Variants in REPS2 observed in about 807,000 individuals in gnomAD.
REPS2 encodes ralBP1-associated Eps domain-containing protein 2.
In REPS2, 23 loss-of-function variants were observed where a neutral mutation model predicts 53.6. The ratio of observed to expected loss-of-function variants is 0.43; its 90% CI spans 0.31 to 0.61. The LOEUF (loss-of-function observed/expected upper bound fraction) is 0.61, where lower values mean the gene tolerates loss of function less well. Ranked by LOEUF, REPS2 falls within the 20% of genes least tolerant of loss-of-function variation. The pLI is 0.11. For missense variants in REPS2, 446 were observed against 534.9 expected, an observed-to-expected ratio of 0.83 and a Z score of 1.64; for synonymous variants, 238 against 218.6, an observed-to-expected ratio of 1.09 and a Z score of -0.78.
intron 17 of REPS2, among the ~76,000 whole-genome samples, chrX:17,144,378 A>G (rs978200177): frequency 8.9e-5 from 10 of 112,911 alleles, no homozygotes; most frequent in African/African-American, 3.2e-4. Context: ...TTTTCAGCCA[A>G]CACTTATTTT....
At chrX:17,030,428 A>G (rs2061694820) in intron 5 of REPS2, among the ~76,000 whole-genome samples, 1 of 110,961 alleles carries the variant, frequency 9.0e-6, no homozygotes, top group African/African-American at 3.3e-5. Context: ...TAACTCGGGA[A>G]TAAGGAACAT....
downstream of REPS2, among the ~76,000 whole-genome samples, chrX:17,155,133 G>A (rs1201453331): frequency 1.8e-5 from 2 of 111,745 alleles, no homozygotes; most frequent in East Asian, 2.8e-4. Context: ...ATAAAGAAAC[G>A]AAATTTGTTT....
chrX:17,124,812 G>C (rs2063186147), intron 14 of REPS2, among the ~76,000 whole-genome samples: 1 of 106,158 alleles, frequency 9.4e-6, no homozygotes, highest in South Asian at 4.1e-4. Flanking sequence ...AAAAAAAAAA[G>C]TTACCTATTA....
At chrX:17,081,857 G>A (rs1307463065) in intron 13 of REPS2, among the ~76,000 whole-genome samples, 1 of 112,023 alleles carries the variant, frequency 8.9e-6, no homozygotes, top group Non-Finnish European at 1.9e-5. Context: ...ATGCAAGTAT[G>A]CAAAACCTAG....
chrX:17,100,814 C>T (rs1427337589), intron 13 of REPS2, among the ~76,000 whole-genome samples: 2 of 111,538 alleles, frequency 1.8e-5, no homozygotes, highest in Non-Finnish European at 3.8e-5. Context: ...CACAGTGGCT[C>T]ATACCTGTAA....
chrX:16,982,755 C>G (rs891321554), intron 1 of REPS2, among the ~76,000 whole-genome samples: 1 of 112,142 alleles, frequency 8.9e-6, no homozygotes, highest in African/African-American at 3.2e-5. Context: ...TGCCTCATCT[C>G]TTTTCCTTTC....
At chrX:17,013,915 C>T (rs778414830) in intron 2 of REPS2, among the ~76,000 whole-genome samples, 7 of 111,068 alleles carry the variant, frequency 6.3e-5, no homozygotes, top group Non-Finnish European at 1.3e-4. Context: ...TTCTAGGGGT[C>T]TGTCCCTCTA....
chrX:17,028,069 C>T (rs1280623059), intron 4 of REPS2, among the ~76,000 whole-genome samples: 1 of 111,426 alleles, frequency 9.0e-6, no homozygotes, highest in Non-Finnish European at 1.9e-5. Flanking sequence ...AGTCTTCATC[C>T]AAGCCCTACT....
At chrX:17,139,025 T>TA (rs2063410044) in intron 17 of REPS2, 64 bp downstream of exon 17, 5 of 742,061 alleles carry the variant, frequency 6.7e-6, no homozygotes, top group East Asian at 3.5e-5. Context: ...AGCTTTTTTT[T>TA]AATTTAATAG....
chrX:17,070,303 A>G (rs1299944357), intron 11 of REPS2, among the ~76,000 whole-genome samples: 2 of 112,352 alleles, frequency 1.8e-5, no homozygotes, highest in Admixed American at 1.9e-4. Context: ...GATGATTTCA[A>G]CAAGCCATTT....
chrX:16,973,533 C>T (rs1026954658), intron 1 of REPS2, among the ~76,000 whole-genome samples: 1 of 111,832 alleles, frequency 8.9e-6, no homozygotes, highest in Admixed American at 9.5e-5. Flanking sequence ...AGCTGTGTTC[C>T]TCAACTTTCA....
Position 17,148,856 on chromosome X carries a change from A to G in REPS2, c.*1375A>G, listed in dbSNP as rs895700477. ...CTAATTTCCCCATTCTTAGGGTAGC[A>G]GGGTGGGGGTGTATAGGGTCTTTTT... On this transcript the variant is annotated 3_prime_UTR_variant, in exon 18 of 18. Coordinates refer to ENST00000357277, the MANE Select transcript of REPS2 (RefSeq NM_004726.3). 2.0e-5 allele frequency: 7 copies of G among 349,893 alleles called. No homozygotes were observed. Among genetic ancestry groups the G allele is most frequent in the Non-Finnish European group, 3.8e-5 (7 of 181,852 alleles). 28.8% of individuals were successfully genotyped at this position (349,893 alleles called of 1,213,427 possible).
intron 14 of REPS2, among the ~76,000 whole-genome samples, chrX:17,132,530 A>G (rs1053499273): frequency 3.6e-5 from 4 of 112,597 alleles, no homozygotes; most frequent in Non-Finnish European, 7.5e-5. Flanking sequence ...CTTCATAGAC[A>G]TTCTTTTTCT....
At chrX:16,954,306 T>C (rs753242298) in intron 1 of REPS2, among the ~76,000 whole-genome samples, 7 of 111,813 alleles carry the variant, frequency 6.3e-5, no homozygotes, top group Non-Finnish European at 9.4e-5. Flanking sequence ...AGCAAGTAGA[T>C]AGAATAATGC....
At chrX:17,098,610 TTGTGTG>T (rs369203546) in intron 13 of REPS2, among the ~76,000 whole-genome samples, 1 of 103,228 alleles carries the variant, frequency 9.7e-6, no homozygotes. Flanking sequence ...AAAAATGGTT[TTGTGTG>T]TGTGTGTGTG....
At chrX:17,125,513 GA>G (rs1443941414) in intron 14 of REPS2, among the ~76,000 whole-genome samples, 2 of 112,318 alleles carry the variant, frequency 1.8e-5, no homozygotes, top group Non-Finnish European at 3.8e-5. Context: ...GGATTCTGAT[GA>G]GGGAAGTCTG....
chrX:17,079,109 A>G lies in REPS2; in HGVS notation c.1516+1702A>G, dbSNP rs774020906. 1.2e-4 allele frequency among the ~76,000 whole-genome samples: 13 copies of G among 112,488 alleles called. 1 individual carries two copies. The highest frequency in any genetic ancestry group is 8.3e-4 in the East Asian group (3 of 3,604). The stretch of plus-strand genomic sequence containing the variant: ...TAATAAAAAAATCTGAAATGCTTCA[A>G]TGACCATTTCCTTTGAGTGTCATGT... On this transcript the variant is annotated intron_variant, in intron 13 of 17. Coordinates refer to ENST00000357277, the MANE Select transcript of REPS2 (RefSeq NM_004726.3).
At chrX:17,078,460 T>G (rs896794009) in intron 13 of REPS2, among the ~76,000 whole-genome samples, 11 of 111,992 alleles carry the variant, frequency 9.8e-5, no homozygotes, top group Admixed American at 3.8e-4. Context: ...TCTATCAAAT[T>G]TAATTCTGTG....
chrX:17,056,618 C>A (rs1250246075), intron 8 of REPS2, among the ~76,000 whole-genome samples: 1 of 110,162 alleles, frequency 9.1e-6, no homozygotes, highest in Non-Finnish European at 1.9e-5. Context: ...TGGCATGAAC[C>A]CGGGAGGCGG....
Sources: gnomAD v4.1 joint callset for allele counts (sites outside exome capture counted in the v4.1 genomes callset) on GRCh38, gnomAD v4.1.1 for gene constraint, MANE v1.5 for transcripts, NCBI Gene and HGNC (gene_info 2026-07-23, HGNC 2026-07-21) for gene names.